FHIP2A: variants seen among roughly 807,000 people sequenced by gnomAD.
The protein encoded by FHIP2A is FHF complex subunit HOOK interacting protein 2A.
FHIP2A carries 46 observed loss-of-function variants against 93.5 expected under a neutral mutation model. The ratio of observed to expected loss-of-function variants is 0.49; its 90% CI spans 0.39 to 0.63. FHIP2A has a LOEUF of 0.63. Ranked by LOEUF, FHIP2A falls within the 20% of genes least tolerant of loss-of-function variation. The pLI, the probability that FHIP2A is intolerant of heterozygous loss-of-function variation, is 0.00. For missense variants in FHIP2A, 769 were observed against 909.7 expected, an observed-to-expected ratio of 0.85 and a Z score of 1.99; for synonymous variants, 332 against 326.5, an observed-to-expected ratio of 1.02 and a Z score of -0.18.
downstream of FHIP2A, among the ~76,000 whole-genome samples, chr10:114,867,339 A>G (rs890750545): frequency 3.3e-5 from 5 of 152,188 alleles, no homozygotes; most frequent in African/African-American, 4.8e-5. Context: ...GCACTAGCCC[A>G]AAGAACAGTG....
intron 1 of FHIP2A, among the ~76,000 whole-genome samples, chr10:114,830,359 A>G (rs1387219878): frequency 2.6e-4 from 37 of 140,098 alleles, no homozygotes; most frequent in Admixed American, 1.3e-3. Flanking sequence ...TGAAACCTCC[A>G]CCTCCCAGGT....
chr10:114,851,103 G>A (rs1173673713), intron 13 of FHIP2A, among the ~76,000 whole-genome samples: 14 of 152,058 alleles, frequency 9.2e-5, no homozygotes, highest in Admixed American at 6.5e-4. Flanking sequence ...TAGTAGAGAT[G>A]GAGTTTCACC....
chr10:114,838,770 C>T (rs755029168), intron 5 of FHIP2A, among the ~76,000 whole-genome samples: 1 of 152,130 alleles, frequency 6.6e-6, no homozygotes, highest in African/African-American at 2.4e-5. Context: ...TACCTGTCTT[C>T]GGAAAAACAT....
At chr10:114,894,248 C>G (rs2083989313) in intron 16 of FHIP2A, among the ~76,000 whole-genome samples, 1 of 152,038 alleles carries the variant, frequency 6.6e-6, no homozygotes, top group Non-Finnish European at 1.5e-5. Flanking sequence ...ATAAGGCACA[C>G]AGACAGCTGC....
intron 4 of FHIP2A, 92 bp from the exon 5 acceptor site, chr10:114,836,032 A>T: frequency 1.0e-6 from 1 of 965,510 alleles, no homozygotes; most frequent in East Asian, 2.4e-5. Context: ...TATATGAAAA[A>T]TTTAAATATC....
At chr10:114,838,407 C>T (rs995603597) in intron 5 of FHIP2A, among the ~76,000 whole-genome samples, 6 of 151,798 alleles carry the variant, frequency 4.0e-5, no homozygotes, top group African/African-American at 9.7e-5. Flanking sequence ...TCGTGATGTG[C>T]GTTATATTTT....
chr10:114,842,593 G>T (rs1275869994), intron 5 of FHIP2A, among the ~76,000 whole-genome samples: 1 of 151,776 alleles, frequency 6.6e-6, no homozygotes, highest in Non-Finnish European at 1.5e-5. Flanking sequence ...GTAGTCCAGT[G>T]ATGAGAAAAA....
rs200377161 is a variant in FHIP2A, at chr10:114,875,902, TAAAG to T, written c.2192+14574_2192+14577del. Reference sequence around the variant, plus strand: ...AAGAAAAGAAAGAGAGAGAAAGAAATAAAGAAAGAGAAAGAAAGAAAGAAAGAAA... The same window carrying T: ...AAGAAAAGAAAGAGAGAGAAAGAAATAAAGAGAAAGAAAGAAAGAAAGAAA... On this transcript the variant is annotated intron_variant, in intron 16 of 16. Coordinates refer to the FHIP2A transcript ENST00000369250. Among the ~76,000 whole-genome samples the T allele has an allele frequency of 6.7e-4, 23 of 34,472 alleles. 2 individuals carry two copies. The highest frequency in any genetic ancestry group is 1.7e-3 in the African/African-American group (13 of 7,856). 22.6% of individuals were successfully genotyped at this position (34,472 alleles called of 152,430 possible). A position where few individuals can be genotyped will look rare whatever the true frequency, so the allele number is the denominator to read the frequency against.
chr10:114,875,630 G>A (rs2083881172), intron 16 of FHIP2A, among the ~76,000 whole-genome samples: 2 of 151,992 alleles, frequency 1.3e-5, no homozygotes, highest in African/African-American at 4.8e-5. Context: ...CAGGAGCGGA[G>A]GTTTCAGTGA....
intron 16 of FHIP2A, among the ~76,000 whole-genome samples, chr10:114,895,359 C>A (rs939147919): frequency 6.6e-6 from 1 of 152,158 alleles, no homozygotes; most frequent in Non-Finnish European, 1.5e-5. Context: ...GGACTATGCC[C>A]GCTTGCTCTA....
intron 14 of FHIP2A, 143 bp downstream of exon 14, chr10:114,855,483 T>C (rs1252468260): frequency 1.5e-6 from 1 of 688,034 alleles, no homozygotes; most frequent in Non-Finnish European, 2.4e-6. Flanking sequence ...GAAGCTTGAT[T>C]GCCAACAACT....
At chr10:114,834,915 A>C (rs1421197075) in intron 3 of FHIP2A, among the ~76,000 whole-genome samples, 1 of 152,234 alleles carries the variant, frequency 6.6e-6, no homozygotes, top group Non-Finnish European at 1.5e-5. Context: ...TGTCTATGCA[A>C]AGGGCTGAAT....
chr10:114,893,258 A>C (rs2083984532), intron 16 of FHIP2A, among the ~76,000 whole-genome samples: 1 of 152,260 alleles, frequency 6.6e-6, no homozygotes. Flanking sequence ...TATTGTATTA[A>C]GAATTTTTTA....
chr10:114,822,186 G>T, intron 1 of FHIP2A, 63 bp downstream of exon 1: 1 of 1,074,294 alleles, frequency 9.3e-7, no homozygotes, highest in Non-Finnish European at 1.2e-6. Flanking sequence ...GCTCCCCGGC[G>T]GCCTCGGGGA....
intron 16 of FHIP2A, among the ~76,000 whole-genome samples, chr10:114,871,101 AATATATATACTGTT>A (rs2083857560): frequency 6.8e-6 from 1 of 147,876 alleles, no homozygotes; most frequent in Non-Finnish European, 1.5e-5. Flanking sequence ...TTAAATATGT[AATATATATACTGTT>A]ATATATATAT....
At chr10:114,823,057 A>C (rs767710473) in intron 1 of FHIP2A, among the ~76,000 whole-genome samples, 2 of 152,026 alleles carry the variant, frequency 1.3e-5, no homozygotes, top group Non-Finnish European at 2.9e-5. Context: ...GTGCAGAAAC[A>C]ATTACTTTGC....
chr10:114,834,011 T>C (rs1410852974), intron 3 of FHIP2A, among the ~76,000 whole-genome samples: 1 of 152,206 alleles, frequency 6.6e-6, no homozygotes, highest in Non-Finnish European at 1.5e-5. Context: ...CTGTGACCAT[T>C]GTAAGTCTCT....
intron 16 of FHIP2A, among the ~76,000 whole-genome samples, chr10:114,885,397 G>GAAA (rs1177416557): frequency 1.0e-5 from 1 of 95,816 alleles, no homozygotes. Context: ...CTCCATCTGA[G>GAAA]AAAAAAAAAA....
Position 114,846,659 on chromosome 10 carries a change from A to G in FHIP2A, c.1499A>G (p.Tyr500Cys), listed in dbSNP as rs1407742885. Residue 500 changes from tyrosine to cysteine, a missense_variant, in exon 11 of 17, where the codon TAT becomes TGT. Physicochemically the swap from Tyr to Cys is radical, Grantham distance 194. Coordinates refer to ENST00000369248, the MANE Select transcript of FHIP2A (RefSeq NM_020940.4). ...LVLRNLEERN[Y>C]TEYKPLCPED... is the part of the protein sequence containing the mutation. ...TTGAGAAATCTTGAAGAAAGAAATT[A>G]TACAGAATATAAACCTTTGTGCCCA... The G allele has an allele frequency of 2.5e-6, 4 of 1,612,288 alleles. No homozygotes were observed. The highest frequency in any genetic ancestry group is 3.4e-6 in the Non-Finnish European group (4 of 1,179,408).
Sources: gnomAD v4.1 joint callset for allele counts (sites outside exome capture counted in the v4.1 genomes callset) on GRCh38, gnomAD v4.1.1 for gene constraint, MANE v1.5 for transcripts, NCBI Gene and HGNC (gene_info 2026-07-23, HGNC 2026-07-21) for gene names.